Variants in ASCL5 observed in about 807,000 individuals in gnomAD.
ASCL5 encodes achaete-scute family bHLH transcription factor 5, also known as achaete-scute homolog 5.
For missense variants in ASCL5, 262 were observed against 268.9 expected (o/e 0.97, Z 0.18); for synonymous variants, 124 against 131.5 (o/e 0.94, Z 0.39).
At chr1:201,117,500 A>G (rs936151456) in intron 1 of ASCL5, among the ~76,000 whole-genome samples, 6 of 152,218 alleles carry the variant, frequency 3.9e-5, no homozygotes, top group Middle Eastern at 6.8e-3. Context: ...TCCCCTTCTC[A>G]GTGGCCTTCA....
intron 1 of ASCL5, among the ~76,000 whole-genome samples, chr1:201,126,090 AATTT>A (rs1178953136): frequency 6.6e-6 from 1 of 152,102 alleles, no homozygotes; most frequent in Non-Finnish European, 1.5e-5. Context: ...ATGTGCTAGC[AATTT>A]ATTTATTTAA....
In ASCL5 at chr1:201,115,787, C is replaced by T. The variant is rs1170131128; in HGVS notation, c.-415G>A. On this transcript the variant is annotated 5_prime_UTR_variant, in exon 2 of 2. Coordinates refer to ENST00000449188, the MANE Select transcript of ASCL5 (RefSeq NM_001270601.2). ...GCGCCTGGTCCTTGGTCCTCGCGGCCTTCGGGATCCCCGGGCTGTCCGGGG... is the reference window on the plus strand; with the variant it reads ...GCGCCTGGTCCTTGGTCCTCGCGGCTTTCGGGATCCCCGGGCTGTCCGGGG... The T allele has an allele frequency of 6.4e-6, 1 of 155,118 alleles. No homozygotes were observed. Among genetic ancestry groups the T allele is most frequent in the Non-Finnish European group, 1.4e-5 (1 of 70,086 alleles). 9.6% of individuals were successfully genotyped at this position (155,118 alleles called of 1,614,324 possible).
At chr1:201,120,290 G>T (rs1335535799) in intron 1 of ASCL5, among the ~76,000 whole-genome samples, 3 of 152,262 alleles carry the variant, frequency 2.0e-5, no homozygotes, top group Middle Eastern at 3.4e-3. Flanking sequence ...TTAGCCCCTT[G>T]TTGTCCCTAT....
intron 1 of ASCL5, among the ~76,000 whole-genome samples, chr1:201,118,534 A>T (rs1299117765): frequency 6.6e-6 from 1 of 151,932 alleles, no homozygotes; most frequent in Admixed American, 6.6e-5. Context: ...AAGATACCAT[A>T]GGGGGGTACA....
rs111627880 is a variant in ASCL5, at chr1:201,117,373, G to T, written c.-505-1496C>A. On this transcript the variant is annotated intron_variant, in intron 1 of 1. Transcript: ENST00000449188. ...ATCGCCTGAACCTGGGAGGTGGAGG[G>T]TGCAGTGAACCAAGATCATGCCACT... is the stretch of plus-strand genomic sequence containing the variant. Among the ~76,000 whole-genome samples, 1,310 of 152,092 alleles carry T rather than the reference G, an allele frequency of 8.6e-3. 16 individuals are homozygous for T. The highest frequency in any genetic ancestry group is 0.029 in the African/African-American group (1,208 of 41,490).
rs1282268550 is a variant in ASCL5 at position 201,114,788 on chromosome 1, C to T, written c.585G>A (p.Pro195=). The T allele has an allele frequency of 5.0e-6, 6 of 1,208,596 alleles. No homozygotes were observed. The highest frequency in any genetic ancestry group is 3.2e-5 in the African/African-American group (2 of 63,442). The allele number at this position is 1,208,596 out of a possible 1,614,324, so 74.9% of individuals were successfully genotyped here. ...PESSESSCFS[P]SPFLESEESW... ...ATTCCTCCGACTCCAAGAAAGGCGA[C>T]GGGGAGAAGCAGGAGGACTCGGATG... Residue 195 remains proline, a synonymous_variant, in exon 2 of 2, where the codon CCG becomes CCA. Transcript: ENST00000449188.
chr1:201,125,809 G>A (rs1663568276), intron 1 of ASCL5, among the ~76,000 whole-genome samples: 2 of 152,190 alleles, frequency 1.3e-5, no homozygotes, highest in Admixed American at 1.3e-4. Flanking sequence ...AATGGCAATT[G>A]AATGGGCACA....
intron 1 of ASCL5, among the ~76,000 whole-genome samples, chr1:201,119,405 A>G (rs1663407317): frequency 6.6e-6 from 1 of 152,214 alleles, no homozygotes; most frequent in South Asian, 2.1e-4. Context: ...CCAGCTATCA[A>G]TAGCGCCACG....
chr1:201,124,685 G>T (rs1439839567), intron 1 of ASCL5, among the ~76,000 whole-genome samples: 1 of 152,236 alleles, frequency 6.6e-6, no homozygotes, highest in Non-Finnish European at 1.5e-5. Context: ...CAGCTGCAGG[G>T]CTGGAGGGGA....
chr1:201,120,525 C>T (rs889110653), intron 1 of ASCL5, among the ~76,000 whole-genome samples: 1 of 152,216 alleles, frequency 6.6e-6, no homozygotes, highest in African/African-American at 2.4e-5. Flanking sequence ...GCCCCCAACC[C>T]AGGCTGTAAA....
rs1156973918 is a variant in ASCL5 at position 201,115,102 on chromosome 1, G to A, written c.271C>T (p.Arg91Cys). ...ACGCACTTGACTCGCTGCCTCTCGC[G>A]CTCGTTGCGCTTCTGGATGAAGGCT... is the stretch of plus-strand genomic sequence containing the variant. ...EPAFIQKRNE[R>C]ERQRVKCVNE... Residue 91 changes from arginine (R) to cysteine (C), a missense_variant, in exon 2 of 2, where the codon CGC (arginine) becomes TGC (cysteine). Transcript: ENST00000449188. The A allele has an allele frequency of 2.4e-6, 3 of 1,231,666 alleles. No individual in the cohort carries two copies. Among genetic ancestry groups the A allele is most frequent in the Middle Eastern group, 3.1e-4 (1 of 3,230 alleles). 76.3% of individuals were successfully genotyped at this position (1,231,666 alleles called of 1,614,324 possible). A position where few individuals can be genotyped will look rare whatever the true frequency, so the allele number is the denominator to read the frequency against.
intron 1 of ASCL5, among the ~76,000 whole-genome samples, chr1:201,126,282 T>G (rs905723771): frequency 1.3e-5 from 2 of 152,032 alleles, no homozygotes; most frequent in Admixed American, 1.3e-4. Context: ...CACACCACCA[T>G]GCTGGGTTGT....
At chr1:201,120,608 T>C (rs1663433695) in intron 1 of ASCL5, among the ~76,000 whole-genome samples, 1 of 152,214 alleles carries the variant, frequency 6.6e-6, no homozygotes, top group African/African-American at 2.4e-5. Context: ...TGTTTGTTGA[T>C]TGACACTGGT....
chr1:201,119,163 C>A (rs542323615), intron 1 of ASCL5, among the ~76,000 whole-genome samples: 1 of 152,204 alleles, frequency 6.6e-6, no homozygotes, highest in Non-Finnish European at 1.5e-5. Context: ...AAGAGAAGAA[C>A]TAAAGGTCAC....
chr1:201,116,599 G>A (rs1663353888), intron 1 of ASCL5, among the ~76,000 whole-genome samples: 1 of 152,226 alleles, frequency 6.6e-6, no homozygotes, highest in African/African-American at 2.4e-5. Flanking sequence ...TAGGCAGAAA[G>A]CTGGGTTTGT....
At chr1:201,119,632 C>T (rs980399515) in intron 1 of ASCL5, among the ~76,000 whole-genome samples, 19 of 152,076 alleles carry the variant, frequency 1.2e-4, no homozygotes, top group African/African-American at 2.2e-4. Flanking sequence ...TGAAGCAATT[C>T]GTATCACTTA....
At chr1:201,118,852 T>C (rs989021985) in intron 1 of ASCL5, among the ~76,000 whole-genome samples, 1 of 152,192 alleles carries the variant, frequency 6.6e-6, no homozygotes, top group African/African-American at 2.4e-5. Flanking sequence ...GCTAATATTG[T>C]CTGGTTTTAC....
At chr1:201,116,309 C>T (rs1663348281) in intron 1 of ASCL5, among the ~76,000 whole-genome samples, 1 of 152,096 alleles carries the variant, frequency 6.6e-6, no homozygotes, top group African/African-American at 2.4e-5. Flanking sequence ...CAGCCATCAG[C>T]CAATGAGGGA....
intron 1 of ASCL5, among the ~76,000 whole-genome samples, chr1:201,118,327 A>G (rs998747382): frequency 8.5e-5 from 13 of 152,238 alleles, no homozygotes; most frequent in Non-Finnish European, 1.6e-4. Flanking sequence ...AAAAAATTAA[A>G]AAAATTAGCA....
Sources: allele counts gnomAD v4.1 joint callset (sites outside exome capture counted in the v4.1 genomes callset), GRCh38; gene constraint gnomAD v4.1.1; transcripts MANE v1.5; gene names NCBI Gene and HGNC (gene_info 2026-07-23, HGNC 2026-07-21).